ZSWIM6: variants seen among roughly 807,000 people sequenced by gnomAD.
The protein encoded by ZSWIM6 is zinc finger SWIM domain-containing protein 6.
Under a neutral mutation model 113.2 loss-of-function variants are expected in ZSWIM6, and 9 were observed. That is an observed-to-expected ratio of 0.08 (90% CI 0.05 to 0.14). The LOEUF is 0.14. Among genes scored for constraint, ZSWIM6 ranks in the 10% least tolerant of loss-of-function variants. ZSWIM6 has a pLI of 1.00. For missense variants in ZSWIM6, 1,162 were observed against 1,552.2 expected (o/e 0.75, Z 4.22); for synonymous variants, 611 against 606.5 (o/e 1.01, Z -0.11).
intron 3 of ZSWIM6, 31 bp from the exon 4 acceptor site, chr5:61,494,229 A>T: frequency 4.5e-6 from 7 of 1,543,320 alleles, no homozygotes; most frequent in Non-Finnish European, 6.1e-6. Context: ...CGTTTTGAAC[A>T]ATTTTCTAAA....
chr5:61,431,748 AAAAAC>A (rs966798128), intron 1 of ZSWIM6, among the ~76,000 whole-genome samples: 1 of 152,190 alleles, frequency 6.6e-6, no homozygotes, highest in Non-Finnish European at 1.5e-5. Context: ...CCGTCTCAAA[AAAAAC>A]AAAACAAAAA....
chr5:61,347,929 A>C (rs1036397789), intron 1 of ZSWIM6, among the ~76,000 whole-genome samples: 8 of 152,160 alleles, frequency 5.3e-5, no homozygotes, highest in African/African-American at 1.7e-4. Context: ...ATTAAAAAAA[A>C]GCAAGATTTG....
At chr5:61,458,877 CAAAAAAAAAAAAG>C (rs1048073355) in intron 1 of ZSWIM6, among the ~76,000 whole-genome samples, 7 of 76,574 alleles carry the variant, frequency 9.1e-5, no homozygotes, top group African/African-American at 2.5e-4. Flanking sequence ...GATTCCTTCT[CAAAAAAAAAAAAG>C]AAAAAAAAAA....
chr5:61,504,954 A>G (rs912438100), intron 4 of ZSWIM6, among the ~76,000 whole-genome samples: 2 of 152,174 alleles, frequency 1.3e-5, no homozygotes, highest in African/African-American at 4.8e-5. Context: ...GCTTAAGACA[A>G]CTATAGAAAC....
chr5:61,356,854 A>G (rs1579950496), intron 1 of ZSWIM6, among the ~76,000 whole-genome samples: 1 of 146,128 alleles, frequency 6.8e-6, no homozygotes, highest in African/African-American at 2.5e-5. Context: ...TATGTAATAT[A>G]TATAATATGT....
chr5:61,362,284 T>C (rs929265234), intron 1 of ZSWIM6, among the ~76,000 whole-genome samples: 2 of 151,976 alleles, frequency 1.3e-5, no homozygotes, highest in Non-Finnish European at 2.9e-5. Flanking sequence ...CTGCAGCCTC[T>C]GCCTCCCGGA....
At chr5:61,351,866 G>A (rs1347348356) in intron 1 of ZSWIM6, among the ~76,000 whole-genome samples, 1 of 152,194 alleles carries the variant, frequency 6.6e-6, no homozygotes, top group Admixed American at 6.5e-5. Context: ...ACACATGCAT[G>A]TGTAAGAGTG....
At chr5:61,348,769 GTTTC>G (rs1207433772) in intron 1 of ZSWIM6, among the ~76,000 whole-genome samples, 1 of 152,080 alleles carries the variant, frequency 6.6e-6, no homozygotes, top group African/African-American at 2.4e-5. Flanking sequence ...GATTCATACT[GTTTC>G]TTCTTAAAAA....
At chr5:61,425,982 GCTAT>G (rs2112129929) in intron 1 of ZSWIM6, among the ~76,000 whole-genome samples, 1 of 152,334 alleles carries the variant, frequency 6.6e-6, no homozygotes, top group Non-Finnish European at 1.5e-5. Flanking sequence ...GAGCAGGATA[GCTAT>G]CTTTCTTCCT....
intron 1 of ZSWIM6, among the ~76,000 whole-genome samples, chr5:61,404,066 G>C (rs1403184730): frequency 6.7e-6 from 1 of 149,698 alleles, no homozygotes; most frequent in African/African-American, 2.5e-5. Context: ...GGAGTGCAGT[G>C]GCGCGATCTT....
chr5:61,501,900 G>A (rs1462547284), intron 4 of ZSWIM6, among the ~76,000 whole-genome samples: 1 of 152,102 alleles, frequency 6.6e-6, no homozygotes, highest in African/African-American at 2.4e-5. Context: ...TCTTAGAAAG[G>A]TTCTCTCCCT....
intron 1 of ZSWIM6, among the ~76,000 whole-genome samples, chr5:61,465,897 G>A (rs1012165952): frequency 6.6e-6 from 1 of 152,018 alleles, no homozygotes; most frequent in Non-Finnish European, 1.5e-5. Flanking sequence ...AGTGATTGCC[G>A]GCAAAATCTC....
At chr5:61,396,035 T>C (rs1561221437) in intron 1 of ZSWIM6, among the ~76,000 whole-genome samples, 3 of 152,044 alleles carry the variant, frequency 2.0e-5, no homozygotes, top group East Asian at 1.9e-4. Flanking sequence ...TAAACCGAGA[T>C]TGGAAAGTAC....
intron 1 of ZSWIM6, among the ~76,000 whole-genome samples, chr5:61,428,536 A>G (rs1746510153): frequency 9.3e-6 from 1 of 107,268 alleles, no homozygotes; most frequent in African/African-American, 5.7e-5. Context: ...CTAACTTAAA[A>G]CAATTTTTTT....
rs113947291 is a variant in ZSWIM6 at position 61,514,765 on chromosome 5, A to G, written c.1334-6498A>G. 1.4e-4 allele frequency among the ~76,000 whole-genome samples: 21 copies of G among 152,100 alleles called. 2 individuals carry two copies. The highest frequency in any genetic ancestry group is 5.1e-4 in the African/African-American group (21 of 41,514). ...TCCTTTTCTGATATTGCTTAATTAG[A>G]TTTGCTAATATTTTTGTGGAGGCAT... is the stretch of plus-strand genomic sequence containing the variant. On this transcript the variant is annotated intron_variant, in intron 4 of 13. Transcript: ENST00000252744.
At chr5:61,447,285 A>G (rs1447046051) in intron 1 of ZSWIM6, among the ~76,000 whole-genome samples, 1 of 152,184 alleles carries the variant, frequency 6.6e-6, no homozygotes, top group Non-Finnish European at 1.5e-5. Context: ...CTGATTTCCC[A>G]TAACTGTATC....
Position 61,375,090 on chromosome 5 carries a change from A to T in ZSWIM6, c.676+42142A>T, listed in dbSNP as rs570747759. On this transcript the variant is annotated intron_variant, in intron 1 of 13. Transcript: ENST00000252744. Reference sequence around the variant, plus strand: ...CCGGCCCGGTTTCCCTCGGTGTGCTACTGTGCGCGCGATCCAGCACCATGG... The same window carrying T: ...CCGGCCCGGTTTCCCTCGGTGTGCTTCTGTGCGCGCGATCCAGCACCATGG... The T allele has an allele frequency of 1.0e-5, 16 of 1,600,266 alleles. No homozygotes were observed. The East Asian group carries it at 3.3e-4, about 33-fold the overall frequency.
chr5:61,349,605 T>C (rs907420103), intron 1 of ZSWIM6, among the ~76,000 whole-genome samples: 3 of 152,110 alleles, frequency 2.0e-5, no homozygotes, highest in Non-Finnish European at 2.9e-5. Flanking sequence ...CTTTTTTTTT[T>C]CTTCTCATTT....
At chr5:61,505,362 C>T (rs1429725614) in intron 4 of ZSWIM6, among the ~76,000 whole-genome samples, 1 of 152,114 alleles carries the variant, frequency 6.6e-6, no homozygotes, top group Non-Finnish European at 1.5e-5. Flanking sequence ...TTAACTCTCT[C>T]CTTCCCTCTC....
Sources: allele counts gnomAD v4.1 joint callset (sites outside exome capture counted in the v4.1 genomes callset), GRCh38; gene constraint gnomAD v4.1.1; transcripts MANE v1.5; gene names NCBI Gene and HGNC (gene_info 2026-07-23, HGNC 2026-07-21).